Variants in GATAD1 observed in about 807,000 individuals in gnomAD.
The protein encoded by GATAD1 is GATA zinc finger domain containing 1, also known as GATA zinc finger domain-containing protein 1.
A neutral mutation model predicts 26.5 loss-of-function variants in GATAD1; 12 were observed. The observed-to-expected ratio is 0.45, with a 90% CI of 0.29 to 0.73. The LOEUF (loss-of-function observed/expected upper bound fraction) is 0.73, where lower values mean the gene tolerates loss of function less well. GATAD1 is among the 30% of genes least tolerant of loss of function. GATAD1 has a pLI of 0.10. For missense variants in GATAD1, 266 were observed against 342.1 expected, an observed-to-expected ratio of 0.78 and a Z score of 1.75; for synonymous variants, 129 against 133.1, an observed-to-expected ratio of 0.97 and a Z score of 0.21.
chr7:92,495,078 A>G, the GATAD1 span, among the ~76,000 whole-genome samples: 1,107 of 152,124 alleles, frequency 7.3e-3, 16 homozygotes, highest in African/African-American at 0.025. Flanking sequence ...TGAAATGCCT[A>G]TTCATTTATT....
the GATAD1 span, among the ~76,000 whole-genome samples, chr7:92,495,503 C>T: frequency 0.93 from 141,601 of 152,222 alleles, 65,961 homozygotes; most frequent in African/African-American, 0.98. Context: ...TACTAAGTTA[C>T]AGGACTACTC....
chr7:92,490,030 T>C, the GATAD1 span: 2 of 803,958 alleles, frequency 2.5e-6, no homozygotes, highest in Middle Eastern at 3.5e-4. Flanking sequence ...TAGATAAGTA[T>C]ACATGTTAAT....
intron 3 of GATAD1, among the ~76,000 whole-genome samples, chr7:92,450,986 A>G (rs904353153): frequency 2.6e-5 from 4 of 152,122 alleles, no homozygotes; most frequent in African/African-American, 9.7e-5. Flanking sequence ...TGATGTGAGG[A>G]TCTTAAGTAT....
the GATAD1 span, among the ~76,000 whole-genome samples, chr7:92,474,396 A>G: frequency 6.6e-6 from 1 of 152,204 alleles, no homozygotes; most frequent in African/African-American, 2.4e-5. Flanking sequence ...CCAGAAAGGC[A>G]GTAGGATTTT....
rs924425572 is a variant in GATAD1, at chr7:92,459,359, A to G, written c.*2797A>G. 4.6e-5 allele frequency: 7 copies of G among 152,364 alleles called. No individual in the cohort carries two copies. The South Asian group carries it at 1.4e-3, about 32-fold the overall frequency. 9.4% of individuals were successfully genotyped at this position (152,364 alleles called of 1,614,324 possible). Reference sequence around the variant, plus strand: ...AATGTAGACTTTTAAAAATCTATAAATTGATCATCTGTTTATAAATTGGCA... The same window carrying G: ...AATGTAGACTTTTAAAAATCTATAAGTTGATCATCTGTTTATAAATTGGCA... On this transcript the variant is annotated 3_prime_UTR_variant, in exon 5 of 5. Coordinates refer to ENST00000287957, the MANE Select transcript of GATAD1 (RefSeq NM_021167.5).
the GATAD1 span, among the ~76,000 whole-genome samples, chr7:92,482,356 A>T: frequency 6.6e-6 from 1 of 152,244 alleles, no homozygotes; most frequent in Non-Finnish European, 1.5e-5. Flanking sequence ...GTGGATAGGC[A>T]AAACAATTTG....
downstream of GATAD1, among the ~76,000 whole-genome samples, chr7:92,461,903 C>T (rs1789933444): frequency 6.6e-6 from 1 of 152,098 alleles, no homozygotes; most frequent in South Asian, 2.1e-4. Context: ...GTCACACAGA[C>T]CAACTCTGGT....
chr7:92,461,112 T>C (rs1789906011), downstream of GATAD1, among the ~76,000 whole-genome samples: 1 of 152,214 alleles, frequency 6.6e-6, no homozygotes, highest in East Asian at 1.9e-4. Flanking sequence ...ATTCACATCA[T>C]GATTCTAGGA....
At chr7:92,481,369 A>C in the GATAD1 span, among the ~76,000 whole-genome samples, 7 of 152,292 alleles carry the variant, frequency 4.6e-5, no homozygotes, top group East Asian at 3.9e-4. Context: ...GGGGAGCAGA[A>C]AGTATATGCG....
Position 92,458,612 on chromosome 7 carries a change from T to C in GATAD1, c.*2050T>C, listed in dbSNP as rs1288603613. The stretch of plus-strand genomic sequence containing the variant: ...CAGCATTTTTCAACCCTGGGAAAAT[T>C]TGCAGAATCTAAGTTGATTGTAATG... On this transcript the variant is annotated 3_prime_UTR_variant, in exon 5 of 5. Transcript: ENST00000287957. 1 of 152,178 alleles carries C rather than the reference T, an allele frequency of 6.6e-6. No individual in the cohort carries two copies. The highest frequency in any genetic ancestry group is 1.9e-4 in the East Asian group (1 of 5,188). The allele number at this position is 152,178 out of a possible 1,614,324, so 9.4% of individuals were successfully genotyped here.
At position 92,459,989 on chromosome 7, in the gene GATAD1, T is replaced by C. The variant is rs1789861338; in HGVS notation, c.*3427T>C. Among the ~76,000 whole-genome samples the C allele has an allele frequency of 6.6e-6, 1 of 152,252 alleles. No individual in the cohort carries two copies. The highest frequency in any genetic ancestry group is 1.5e-5 in the Non-Finnish European group (1 of 68,042). On this transcript the variant is annotated 3_prime_UTR_variant, in exon 5 of 5. Transcript: ENST00000287957. ...GGTTAGTATTAGATTGTTTTTAAGA[T>C]TGTTTTAAACAAGATGTTTTTAAGA...
At chr7:92,454,421 T>G in intron 3 of GATAD1, 81 bp from the exon 4 acceptor site, 1 of 1,050,872 alleles carries the variant, frequency 9.5e-7, no homozygotes, top group Non-Finnish European at 1.5e-6. Flanking sequence ...CTTTGAAAAC[T>G]TGCTTACCTA....
the GATAD1 span, chr7:92,494,414 A>AT: frequency 6.2e-6 from 10 of 1,611,814 alleles, no homozygotes; most frequent in East Asian, 6.7e-5. Flanking sequence ...AAAAAAGAAC[A>AT]TTTTTTTACC....
the GATAD1 span, chr7:92,469,687 G>A: frequency 1.6e-5 from 12 of 764,232 alleles, no homozygotes; most frequent in East Asian, 2.4e-5. Context: ...GAGGTTTGAG[G>A]TATGGGTTAT....
the GATAD1 span, chr7:92,489,282 C>A: frequency 6.2e-7 from 1 of 1,611,390 alleles, no homozygotes; most frequent in Non-Finnish European, 8.5e-7. Context: ...AAAACAGAAT[C>A]TGTTACTTAC....
the GATAD1 span, among the ~76,000 whole-genome samples, chr7:92,485,061 G>C: frequency 6.6e-6 from 1 of 152,148 alleles, no homozygotes; most frequent in Non-Finnish European, 1.5e-5. Context: ...GGTGCTCAGT[G>C]GGGGAGGTTT....
the GATAD1 span, chr7:92,489,505 G>T: frequency 2.3e-6 from 3 of 1,286,140 alleles, no homozygotes; most frequent in Non-Finnish European, 3.3e-6. Flanking sequence ...ACTTCTTATT[G>T]TCAGTTTTTT....
intron 3 of GATAD1, among the ~76,000 whole-genome samples, chr7:92,453,059 C>T (rs1175347042): frequency 3.9e-5 from 6 of 152,096 alleles, no homozygotes; most frequent in Non-Finnish European, 7.4e-5. Context: ...CAGACCCATC[C>T]GTAGTGATCC....
chr7:92,491,648 T>G, the GATAD1 span: 3 of 620,252 alleles, frequency 4.8e-6, no homozygotes, highest in Admixed American at 2.9e-5. Flanking sequence ...CTAACGGTTT[T>G]GAGGCACATG....
Sources: gnomAD v4.1 joint callset for allele counts (sites outside exome capture counted in the v4.1 genomes callset) on GRCh38, gnomAD v4.1.1 for gene constraint, MANE v1.5 for transcripts, NCBI Gene and HGNC (gene_info 2026-07-23, HGNC 2026-07-21) for gene names.